Variants in ARHGAP15 observed in about 807,000 individuals in gnomAD.
The protein encoded by ARHGAP15 is rho GTPase-activating protein 15.
Under a neutral mutation model 63.7 loss-of-function variants are expected in ARHGAP15, and 51 were observed. The ratio of observed to expected loss-of-function variants is 0.80; its 90% CI spans 0.64 to 1.01. The LOEUF is 1.01. Among genes scored for constraint, ARHGAP15 ranks in the 50% least tolerant of loss-of-function variants. The pLI is 0.00. For missense variants in ARHGAP15, 560 were observed against 564.6 expected (o/e 0.99, Z 0.08); for synonymous variants, 191 against 193.8 (o/e 0.99, Z 0.12).
At chr2:143,554,196 C>A (rs1326124969) in intron 10 of ARHGAP15, among the ~76,000 whole-genome samples, 2 of 152,000 alleles carry the variant, frequency 1.3e-5, no homozygotes, top group Non-Finnish European at 2.9e-5. Context: ...CCCACATATT[C>A]CATTGATGTT....
intron 12 of ARHGAP15, among the ~76,000 whole-genome samples, chr2:143,691,880 G>A (rs1683616922): frequency 6.6e-6 from 1 of 152,092 alleles, no homozygotes; most frequent in Non-Finnish European, 1.5e-5. Flanking sequence ...CGTTCAATAG[G>A]TTTTCTTTTT....
intron 11 of ARHGAP15, among the ~76,000 whole-genome samples, chr2:143,581,233 G>T (rs911052492): frequency 1.1e-5 from 1 of 88,782 alleles, no homozygotes; most frequent in African/African-American, 4.6e-5. Flanking sequence ...TGCCATAAAG[G>T]TTAGAGAAGC....
chr2:143,647,861 C>A (rs1326701542), intron 12 of ARHGAP15, among the ~76,000 whole-genome samples: 1 of 151,982 alleles, frequency 6.6e-6, no homozygotes, highest in African/African-American at 2.4e-5. Context: ...AATAAATTAA[C>A]TTTTCTCATT....
intron 6 of ARHGAP15, among the ~76,000 whole-genome samples, chr2:143,388,538 A>G (rs1363723212): frequency 6.6e-6 from 1 of 152,314 alleles, no homozygotes; most frequent in Admixed American, 6.5e-5. Context: ...TTGGCCCTAC[A>G]TAAGAGTGTT....
chr2:143,507,056 TA>T (rs376018927), intron 9 of ARHGAP15, among the ~76,000 whole-genome samples: 11 of 152,284 alleles, frequency 7.2e-5, no homozygotes, highest in African/African-American at 2.6e-4. Context: ...TAAATACAAG[TA>T]GAAGAAACTG....
intron 11 of ARHGAP15, among the ~76,000 whole-genome samples, chr2:143,611,130 T>C (rs1698239077): frequency 6.6e-6 from 1 of 152,180 alleles, no homozygotes; most frequent in Admixed American, 6.5e-5. Context: ...TAGATGCTGA[T>C]CATTGGAAAT....
rs1432499713 is a variant in ARHGAP15, at chr2:143,548,183, A to T, written c.926-8225A>T. Among the ~76,000 whole-genome samples, 3 of 152,112 alleles carry T rather than the reference A, an allele frequency of 2.0e-5. No homozygotes were observed. The East Asian group carries it at 5.8e-4, about 29-fold the overall frequency. The stretch of plus-strand genomic sequence containing the variant: ...ATGATAAATATTTTTGCAAGAAAAC[A>T]ATCTTATTTCCTCATATTAACAAAT... On this transcript the variant is annotated intron_variant, in intron 10 of 13. Transcript: ENST00000295095.
At chr2:143,726,120 T>C (rs542961498) in intron 13 of ARHGAP15, among the ~76,000 whole-genome samples, 3 of 152,318 alleles carry the variant, frequency 2.0e-5, no homozygotes, top group East Asian at 1.9e-4. Flanking sequence ...CCATTTCGCA[T>C]TGTGGTCAAG....
At chr2:143,521,099 GT>G (rs1332286801) in intron 10 of ARHGAP15, among the ~76,000 whole-genome samples, 1 of 152,080 alleles carries the variant, frequency 6.6e-6, no homozygotes. Flanking sequence ...TTGTCCCTGT[GT>G]TTACTCTTAA....
intron 12 of ARHGAP15, among the ~76,000 whole-genome samples, chr2:143,627,902 G>A (rs11693129): frequency 2.0e-5 from 3 of 151,942 alleles, no homozygotes; most frequent in Non-Finnish European, 2.9e-5. Context: ...GTGATGCTGA[G>A]GTTTGAGGTA....
chr2:143,451,834 G>A (rs1490208086), intron 8 of ARHGAP15, among the ~76,000 whole-genome samples: 1 of 151,920 alleles, frequency 6.6e-6, no homozygotes, highest in South Asian at 2.1e-4. Context: ...CCACAGTCTT[G>A]TTCCACTTCT....
chr2:143,168,357 T>C (rs1169402796), intron 2 of ARHGAP15, among the ~76,000 whole-genome samples: 3 of 151,958 alleles, frequency 2.0e-5, no homozygotes, highest in Admixed American at 6.6e-5. Context: ...TTCAAGTTTT[T>C]TTGTAGAAAC....
At chr2:143,445,153 A>AT (rs10671306) in intron 8 of ARHGAP15, among the ~76,000 whole-genome samples, 5,778 of 74,460 alleles carry the variant, frequency 0.078, 790 homozygotes, top group East Asian at 0.18. Flanking sequence ...AAGAACAATT[A>AT]TTTTTTTTTT....
intron 10 of ARHGAP15, among the ~76,000 whole-genome samples, chr2:143,530,335 C>T (rs542467603): frequency 1.6e-4 from 24 of 151,994 alleles, no homozygotes; most frequent in South Asian, 6.2e-4. Context: ...TAGGATAGGA[C>T]GGAAATAGGG....
intron 6 of ARHGAP15, among the ~76,000 whole-genome samples, chr2:143,339,923 A>T (rs574182378): frequency 6.6e-6 from 1 of 152,270 alleles, no homozygotes; most frequent in East Asian, 1.9e-4. Flanking sequence ...AACTTTGTAG[A>T]TGGCCCATAA....
intron 6 of ARHGAP15, among the ~76,000 whole-genome samples, chr2:143,319,864 G>GAA (rs1314763304): frequency 2.0e-5 from 3 of 152,132 alleles, no homozygotes; most frequent in Non-Finnish European, 2.9e-5. Context: ...CAAAGAAGAG[G>GAA]AAAAGGCTAT....
intron 11 of ARHGAP15, among the ~76,000 whole-genome samples, chr2:143,573,177 C>A (rs532024586): frequency 1.3e-5 from 2 of 152,068 alleles, no homozygotes; most frequent in East Asian, 3.9e-4. Flanking sequence ...CAGAAAGATG[C>A]CTTAAAGCAA....
chr2:143,491,298 T>A (rs1692570342), intron 9 of ARHGAP15, among the ~76,000 whole-genome samples: 1 of 152,226 alleles, frequency 6.6e-6, no homozygotes, highest in South Asian at 2.1e-4. Context: ...TCTTTAGTTT[T>A]AGCCAGACTG....
At chr2:143,224,104 G>T (rs1285052725) in intron 4 of ARHGAP15, among the ~76,000 whole-genome samples, 2 of 152,166 alleles carry the variant, frequency 1.3e-5, no homozygotes, top group Non-Finnish European at 2.9e-5. Flanking sequence ...AAAATGCCAG[G>T]TGGCATACCT....
Sources: allele counts gnomAD v4.1 joint callset (sites outside exome capture counted in the v4.1 genomes callset), GRCh38; gene constraint gnomAD v4.1.1; transcripts MANE v1.5; gene names NCBI Gene and HGNC (gene_info 2026-07-23, HGNC 2026-07-21).